CCSER1: variants seen among roughly 807,000 people sequenced by gnomAD.
CCSER1 encodes serine-rich coiled-coil domain-containing protein 1.
In CCSER1, 41 loss-of-function variants were observed where a neutral mutation model predicts 82.0. The observed-to-expected ratio is 0.50, with a 90% confidence interval of 0.39 to 0.65. The LOEUF (loss-of-function observed/expected upper bound fraction) is 0.65, where lower values mean the gene tolerates loss of function less well. CCSER1 is among the 30% of genes least tolerant of loss of function. CCSER1 has a pLI of 0.00. For synonymous variants in CCSER1, 414 were observed against 383.9 expected (o/e 1.08, Z -0.92); for missense variants, 1,119 against 1,064.2 (o/e 1.05, Z -0.72).
Position 91,153,695 on chromosome 4 carries a change from A to G in CCSER1, c.2217+67701A>G, listed in dbSNP as rs1036810583. Among the ~76,000 whole-genome samples the G allele has an allele frequency of 4.6e-5, 7 of 151,854 alleles. No individual in the cohort carries two copies. The East Asian group carries it at 1.4e-3, about 29-fold the overall frequency. Reference sequence around the variant, plus strand: ...ACATACCGATGGTGTTTTGGTGTGGATGTCCTTTCTGTTTGTTGATTTTCC... The same window carrying G: ...ACATACCGATGGTGTTTTGGTGTGGGTGTCCTTTCTGTTTGTTGATTTTCC... On this transcript the variant is annotated intron_variant, in intron 10 of 10. Coordinates refer to ENST00000509176, the MANE Select transcript of CCSER1 (RefSeq NM_001145065.2).
intron 5 of CCSER1, among the ~76,000 whole-genome samples, chr4:90,517,050 T>C (rs1278237403): frequency 3.3e-5 from 5 of 152,142 alleles, no homozygotes; most frequent in African/African-American, 1.2e-4. Context: ...AATTCGAAAA[T>C]ACATTTAATC....
At chr4:90,238,855 A>ATTT (rs1460989618) in intron 1 of CCSER1, among the ~76,000 whole-genome samples, 27 of 146,330 alleles carry the variant, frequency 1.8e-4, no homozygotes, top group African/African-American at 6.5e-4. Context: ...TCTAGCATTA[A>ATTT]TTTTTTTTTT....
At chr4:90,450,073 G>A (rs547329092) in intron 4 of CCSER1, among the ~76,000 whole-genome samples, 20 of 152,282 alleles carry the variant, frequency 1.3e-4, no homozygotes, top group African/African-American at 4.3e-4. Flanking sequence ...GGATGATGCT[G>A]CTCTTCACTG....
chr4:91,518,272 A>G (rs1360682515), intron 10 of CCSER1, among the ~76,000 whole-genome samples: 1 of 152,128 alleles, frequency 6.6e-6, no homozygotes, highest in Non-Finnish European at 1.5e-5. Flanking sequence ...GCGGCAATCA[A>G]TTAGTGCTAT....
At chr4:91,187,692 C>T (rs534607876) in intron 10 of CCSER1, among the ~76,000 whole-genome samples, 2 of 152,086 alleles carry the variant, frequency 1.3e-5, no homozygotes, top group African/African-American at 2.4e-5. Context: ...GCTGGTGTTA[C>T]AAGCGTGCTG....
chr4:91,380,793 T>C (rs1750824775), intron 10 of CCSER1, among the ~76,000 whole-genome samples: 1 of 152,236 alleles, frequency 6.6e-6, no homozygotes, highest in Non-Finnish European at 1.5e-5. Flanking sequence ...GTCATTATGA[T>C]ATTAGCTGGT....
rs150372302 is a variant in CCSER1 at position 91,584,228 on chromosome 4, C to G, written c.2218-14344C>G. On this transcript the variant is annotated intron_variant, in intron 10 of 10. Coordinates refer to ENST00000509176, the MANE Select transcript of CCSER1 (RefSeq NM_001145065.2). ...GGTCTGGAGGCATAATTCTCTATCA[C>G]TCATCCCCATGCCCAGTCAGTAGAT... Among the ~76,000 whole-genome samples the G allele has an allele frequency of 5.5e-4, 83 of 151,470 alleles. No individual in the cohort carries two copies. The East Asian group carries it at 0.013, about 23-fold the overall frequency.
chr4:90,901,954 C>T (rs62312272), intron 8 of CCSER1, among the ~76,000 whole-genome samples: 7,684 of 151,794 alleles, frequency 0.051, 261 homozygotes, highest in Admixed American at 0.096. Context: ...TTTCATAATC[C>T]GATATTTCTT....
chr4:90,241,668 A>T (rs2153434743), intron 1 of CCSER1, among the ~76,000 whole-genome samples: 1 of 152,064 alleles, frequency 6.6e-6, no homozygotes, highest in East Asian at 1.9e-4. Flanking sequence ...TTCTTTAGGG[A>T]AAAGAAGGAA....
intron 10 of CCSER1, among the ~76,000 whole-genome samples, chr4:91,512,411 T>C (rs926908913): frequency 6.6e-6 from 1 of 152,168 alleles, no homozygotes; most frequent in Non-Finnish European, 1.5e-5. Context: ...ACTCTTGGAC[T>C]TACACCAGTG....
At chr4:91,338,611 A>G (rs1253832843) in intron 10 of CCSER1, among the ~76,000 whole-genome samples, 2 of 152,180 alleles carry the variant, frequency 1.3e-5, no homozygotes, top group Non-Finnish European at 2.9e-5. Flanking sequence ...TAAGATAAAC[A>G]ATATAGTTAA....
chr4:90,387,428 T>C (rs915882502), intron 3 of CCSER1, among the ~76,000 whole-genome samples: 1 of 152,106 alleles, frequency 6.6e-6, no homozygotes, highest in Non-Finnish European at 1.5e-5. Flanking sequence ...AGAAAAGAGG[T>C]CTGTCCTTTG....
At chr4:91,514,491 G>A (rs1350407553) in intron 10 of CCSER1, among the ~76,000 whole-genome samples, 1 of 152,108 alleles carries the variant, frequency 6.6e-6, no homozygotes, top group Non-Finnish European at 1.5e-5. Flanking sequence ...ATATTTAAGT[G>A]CATAATTTCT....
At chr4:91,343,548 C>G (rs1158814097) in intron 10 of CCSER1, among the ~76,000 whole-genome samples, 2 of 152,084 alleles carry the variant, frequency 1.3e-5, no homozygotes, top group African/African-American at 4.8e-5. Context: ...TGTGAATTCA[C>G]TAAGTTGGAT....
chr4:91,390,466 T>C (rs948447732), intron 10 of CCSER1, among the ~76,000 whole-genome samples: 1 of 151,994 alleles, frequency 6.6e-6, no homozygotes, highest in Non-Finnish European at 1.5e-5. Context: ...GTTTTGTGTA[T>C]GTGTTAAAGA....
chr4:91,427,497 G>A (rs1426988839), intron 10 of CCSER1, among the ~76,000 whole-genome samples: 3 of 152,058 alleles, frequency 2.0e-5, no homozygotes, highest in African/African-American at 7.2e-5. Flanking sequence ...GACTGAATGA[G>A]TTCTAAGCAT....
At chr4:90,296,840 C>G (rs1732052377) in intron 1 of CCSER1, among the ~76,000 whole-genome samples, 1 of 152,052 alleles carries the variant, frequency 6.6e-6, no homozygotes, top group African/African-American at 2.4e-5. Flanking sequence ...CTGTTCTGTT[C>G]CATTGATCTA....
chr4:91,580,543 C>T (rs1763680094), intron 10 of CCSER1, among the ~76,000 whole-genome samples: 1 of 151,660 alleles, frequency 6.6e-6, no homozygotes, highest in African/African-American at 2.4e-5. Context: ...TGTAGAAACT[C>T]AGAATTAGTC....
chr4:91,028,424 G>T (rs2150548059), intron 9 of CCSER1, among the ~76,000 whole-genome samples: 1 of 151,964 alleles, frequency 6.6e-6, no homozygotes, highest in Non-Finnish European at 1.5e-5. Context: ...TGCTGAATTA[G>T]CATGTTTTAC....
Sources: gnomAD v4.1 joint callset for allele counts (sites outside exome capture counted in the v4.1 genomes callset) on GRCh38, gnomAD v4.1.1 for gene constraint, MANE v1.5 for transcripts, NCBI Gene and HGNC (gene_info 2026-07-23, HGNC 2026-07-21) for gene names.